FSTL5: variants seen among roughly 807,000 people sequenced by gnomAD.
FSTL5 encodes the protein follistatin like 5, also known as follistatin-related protein 5.
A neutral mutation model predicts 89.1 loss-of-function variants in FSTL5; 62 were observed. That is an observed-to-expected ratio of 0.70 (90% CI 0.57 to 0.86). The LOEUF is 0.86. FSTL5 is among the 40% of genes least tolerant of loss of function. The pLI is 0.00. For missense variants in FSTL5, 1,057 were observed against 1,001.6 expected, an observed-to-expected ratio of 1.06 and a Z score of -0.75; for synonymous variants, 383 against 346.2, an observed-to-expected ratio of 1.11 and a Z score of -1.18.
intron 3 of FSTL5, among the ~76,000 whole-genome samples, chr4:161,995,632 C>T (rs560120459): frequency 9.2e-5 from 14 of 152,228 alleles, no homozygotes; most frequent in Admixed American, 8.5e-4. Flanking sequence ...CTAGGATAGA[C>T]ACTGTATCAC....
rs553279424 is a variant in FSTL5 at position 161,432,712 on chromosome 4, CAAAT to C, written c.1841+22288_1841+22291del. 3.0e-3 allele frequency among the ~76,000 whole-genome samples: 449 copies of C among 151,570 alleles called. 3 individuals are homozygous for C. The highest frequency in any genetic ancestry group is 0.011 in the African/African-American group (441 of 41,408). On this transcript the variant is annotated intron_variant, in intron 15 of 15. Transcript: ENST00000306100. ...ATTAGGGAAAAAAAAAGATAAGACT[CAAAT>C]AAATACAATCAGAGATTTAAAAAAC...
chr4:161,415,825 T>G (rs1389278965), intron 15 of FSTL5, among the ~76,000 whole-genome samples: 2 of 8,396 alleles, frequency 2.4e-4, no homozygotes, highest in Admixed American at 2.0e-3. Flanking sequence ...ATAGGGGATA[T>G]ATATATATAT....
intron 6 of FSTL5, among the ~76,000 whole-genome samples, chr4:161,749,620 A>G (rs1260842191): frequency 2.0e-5 from 3 of 151,628 alleles, no homozygotes; most frequent in Non-Finnish European, 2.9e-5. Flanking sequence ...ACACGGTGAA[A>G]CCCCATCTCT....
At chr4:161,736,334 T>C (rs981687397) in intron 6 of FSTL5, among the ~76,000 whole-genome samples, 5 of 152,084 alleles carry the variant, frequency 3.3e-5, no homozygotes, top group Non-Finnish European at 7.4e-5. Flanking sequence ...AGAAAATGTA[T>C]TATTATTACA....
At position 162,132,715 on chromosome 4, in the gene FSTL5, A is replaced by T. The variant is rs2111461308; in HGVS notation, c.-16-21303T>A. Among the ~76,000 whole-genome samples, 3 of 152,268 alleles carry T rather than the reference A, an allele frequency of 2.0e-5. 1 individual carries two copies. The South Asian group carries it at 6.2e-4, about 32-fold the overall frequency. ...AGAACATGAAGAAGAAGCTGCACTCAAAAAAATTGCAGATAATTTGAATTT... is the reference window on the plus strand; with the variant it reads ...AGAACATGAAGAAGAAGCTGCACTCTAAAAAATTGCAGATAATTTGAATTT... On this transcript the variant is annotated intron_variant, in intron 1 of 15. Coordinates refer to ENST00000306100, the MANE Select transcript of FSTL5 (RefSeq NM_020116.5).
Position 161,642,159 on chromosome 4 carries a change from T to C in FSTL5, c.894+14169A>G, listed in dbSNP as rs2126669226. Among the ~76,000 whole-genome samples, 2 of 152,282 alleles carry C rather than the reference T, an allele frequency of 1.3e-5. 1 individual carries two copies. Among genetic ancestry groups the C allele is most frequent in the Middle Eastern group, 6.8e-3 (2 of 294 alleles). ...TAACTAACATATCCATTACCTCACA[T>C]GGCTACTATTTTTTTTGTGTGTGTG... On this transcript the variant is annotated intron_variant, in intron 7 of 15. Transcript: ENST00000306100.
At chr4:161,945,832 TACAC>T (rs1210093505) in intron 3 of FSTL5, among the ~76,000 whole-genome samples, 3 of 152,174 alleles carry the variant, frequency 2.0e-5, no homozygotes, top group African/African-American at 4.8e-5. Context: ...ACTCAGGTGA[TACAC>T]ACCTTAAATA....
At chr4:161,458,171 C>G (rs1280438136) in intron 14 of FSTL5, among the ~76,000 whole-genome samples, 1 of 152,148 alleles carries the variant, frequency 6.6e-6, no homozygotes, top group Non-Finnish European at 1.5e-5. Context: ...TAACTGGAGC[C>G]CATGAGTGCT....
intron 5 of FSTL5, among the ~76,000 whole-genome samples, chr4:161,760,856 CCT>C (rs1740767928): frequency 1.3e-5 from 2 of 152,162 alleles, no homozygotes; most frequent in African/African-American, 4.8e-5. Flanking sequence ...TATTTTTTCA[CCT>C]TTTTTGGAAC....
chr4:161,917,973 T>G (rs1733886543), intron 4 of FSTL5, among the ~76,000 whole-genome samples: 1 of 152,204 alleles, frequency 6.6e-6, no homozygotes, highest in South Asian at 2.1e-4. Context: ...ATTTTTTTAT[T>G]TAACTTTTCA....
chr4:162,059,988 A>G (rs902376787), intron 2 of FSTL5, among the ~76,000 whole-genome samples: 9 of 152,124 alleles, frequency 5.9e-5, no homozygotes, highest in African/African-American at 1.9e-4. Context: ...AAACGAATTG[A>G]CTCAATATGT....
intron 15 of FSTL5, among the ~76,000 whole-genome samples, chr4:161,409,581 C>T (rs1731515549): frequency 6.6e-6 from 1 of 152,032 alleles, no homozygotes; most frequent in Non-Finnish European, 1.5e-5. Flanking sequence ...GGGGTTTCAC[C>T]ACGTTGGCCA....
At chr4:162,046,136 G>T (rs983018166) in intron 2 of FSTL5, among the ~76,000 whole-genome samples, 1 of 151,948 alleles carries the variant, frequency 6.6e-6, no homozygotes, top group African/African-American at 2.4e-5. Context: ...TGGAACACGG[G>T]TTTTTTTATT....
At chr4:162,127,617 A>G (rs1732133786) in intron 1 of FSTL5, among the ~76,000 whole-genome samples, 4 of 152,200 alleles carry the variant, frequency 2.6e-5, no homozygotes, top group Admixed American at 2.6e-4. Flanking sequence ...TTCTTGTGAT[A>G]AAAGTGAAGT....
intron 6 of FSTL5, among the ~76,000 whole-genome samples, chr4:161,759,070 T>C (rs1740683218): frequency 6.6e-6 from 1 of 152,112 alleles, no homozygotes; most frequent in Non-Finnish European, 1.5e-5. Context: ...AATATTTGAG[T>C]GTGTAAATAA....
chr4:161,898,334 G>A (rs1160902668), intron 4 of FSTL5, among the ~76,000 whole-genome samples: 1 of 151,456 alleles, frequency 6.6e-6, no homozygotes, highest in Non-Finnish European at 1.5e-5. Flanking sequence ...GGATAATTTT[G>A]AATAAAACTG....
intron 3 of FSTL5, among the ~76,000 whole-genome samples, chr4:161,973,672 G>T (rs1735548967): frequency 6.6e-6 from 1 of 152,156 alleles, no homozygotes; most frequent in Non-Finnish European, 1.5e-5. Context: ...CACTTGCGGT[G>T]ATGTTAGGAA....
At position 161,834,990 on chromosome 4, in the gene FSTL5, G is replaced by A. The variant is rs1409337820; in HGVS notation, c.410-58916C>T. Among the ~76,000 whole-genome samples the A allele has an allele frequency of 7.3e-4, 106 of 145,830 alleles. 6 individuals are homozygous for A. The highest frequency in any genetic ancestry group is 2.3e-3 in the Admixed American group (34 of 14,678). On this transcript the variant is annotated intron_variant, in intron 4 of 15. Coordinates refer to ENST00000306100, the MANE Select transcript of FSTL5 (RefSeq NM_020116.5). Reference sequence around the variant, plus strand: ...ATGACACCAAAAAAGAGCCTGCATCGCCAAGTCAATCCTAAGCCAAAAGAA... The same window carrying A: ...ATGACACCAAAAAAGAGCCTGCATCACCAAGTCAATCCTAAGCCAAAAGAA...
intron 4 of FSTL5, among the ~76,000 whole-genome samples, chr4:161,907,357 A>G (rs1470508807): frequency 6.6e-6 from 1 of 152,072 alleles, no homozygotes; most frequent in Non-Finnish European, 1.5e-5. Flanking sequence ...ATTAACACAC[A>G]CGATTTTATT....
Sources: gnomAD v4.1 joint callset for allele counts (sites outside exome capture counted in the v4.1 genomes callset) on GRCh38, gnomAD v4.1.1 for gene constraint, MANE v1.5 for transcripts, NCBI Gene and HGNC (gene_info 2026-07-23, HGNC 2026-07-21) for gene names.